Variants in PRDM10 observed in about 807,000 individuals in gnomAD.
PRDM10 encodes the protein PR/SET domain 10, also known as PR domain zinc finger protein 10.
PRDM10 carries 65 observed loss-of-function variants against 133.1 expected under a neutral mutation model. The observed-to-expected ratio is 0.49, with a 90% CI of 0.40 to 0.60. The LOEUF is 0.60. Among genes scored for constraint, PRDM10 ranks in the 20% least tolerant of loss-of-function variants. PRDM10 has a pLI of 0.00. For missense variants in PRDM10, 1,137 were observed against 1,507.1 expected, an observed-to-expected ratio of 0.75 and a Z score of 4.07; for synonymous variants, 582 against 580.4, an observed-to-expected ratio of 1.00 and a Z score of -0.04.
chr11:129,928,174 T>C (rs78726631), intron 11 of PRDM10, among the ~76,000 whole-genome samples: 7,512 of 149,894 alleles, frequency 0.05, 541 homozygotes, highest in African/African-American at 0.16. Flanking sequence ...GGCATGATCA[T>C]AGCTAACTGC....
In PRDM10 at chr11:129,956,918, T is replaced by C. The variant is rs143880657; in HGVS notation, c.234+828A>G. Among the ~76,000 whole-genome samples, 33 of 152,368 alleles carry C rather than the reference T, an allele frequency of 2.2e-4. No homozygotes were observed. The East Asian group carries it at 5.8e-3, about 27-fold the overall frequency. On this transcript the variant is annotated intron_variant, in intron 3 of 20. Transcript: ENST00000360871. ...TTTATACATTGTAAAGTGCTAACAA[T>C]GTAAATTAACATTTATATGTTGGGG...
In PRDM10 at chr11:129,914,906, G is replaced by C. The variant is rs1255245764; in HGVS notation, c.2639C>G (p.Thr880Ser). ...AGTCTCTCCAGTGGCGCTGTCTGTA[G>C]TCAAAACCGCTGGGGTGGCACTGAT... ...AVISATPAVL[T>S]TDSATGETVV... The change falls in exon 17 of 21, where the codon ACT becomes AGT. Residue 880 changes from threonine (T) to serine (S), a missense_variant. Thr to Ser is a moderately conservative substitution (Grantham distance 58). Transcript: ENST00000360871. 6.2e-7 allele frequency: 1 copy of C among 1,614,056 alleles called. No homozygotes were observed. Among genetic ancestry groups the C allele is most frequent in the Admixed American group, 1.7e-5 (1 of 59,998 alleles).
At chr11:129,995,843 G>T (rs564489279) in intron 1 of PRDM10, among the ~76,000 whole-genome samples, 1 of 152,212 alleles carries the variant, frequency 6.6e-6, no homozygotes, top group East Asian at 1.9e-4. Context: ...CTACTTGGGG[G>T]GCTGAGGCAG....
At chr11:129,931,351 C>T in intron 10 of PRDM10, 93 bp from the exon 11 acceptor site, 1 of 1,442,844 alleles carries the variant, frequency 6.9e-7, no homozygotes. Context: ...TGACTAGATT[C>T]ATAATACTCA....
intron 1 of PRDM10, among the ~76,000 whole-genome samples, chr11:129,988,784 C>T (rs947453506): frequency 1.3e-5 from 2 of 151,844 alleles, no homozygotes; most frequent in South Asian, 2.1e-4. Flanking sequence ...CGTCCGCCAC[C>T]ACACCCAGCT....
At chr11:129,975,505 G>A (rs532764115) in intron 1 of PRDM10, among the ~76,000 whole-genome samples, 3 of 152,170 alleles carry the variant, frequency 2.0e-5, no homozygotes, top group Admixed American at 6.5e-5. Context: ...TATAAAAAAC[G>A]TAAATAAAAA....
intron 1 of PRDM10, among the ~76,000 whole-genome samples, chr11:129,972,170 C>T (rs1195990962): frequency 6.6e-6 from 1 of 152,228 alleles, no homozygotes; most frequent in Non-Finnish European, 1.5e-5. Flanking sequence ...CCGCAAGCGC[C>T]GCGCGCAGCC....
Position 129,902,214 on chromosome 11 carries a change from T to C in PRDM10, c.*99A>G, listed in dbSNP as rs1949860792. Reference sequence around the variant, plus strand: ...AAACTGTGGTTTCCGAACTCTTGAGTGAATAATAAATCTTACAAAAGAGCT... The same window carrying C: ...AAACTGTGGTTTCCGAACTCTTGAGCGAATAATAAATCTTACAAAAGAGCT... On this transcript the variant is annotated 3_prime_UTR_variant, in exon 21 of 21. Transcript: ENST00000360871. 1 of 1,448,448 alleles carries C rather than the reference T, an allele frequency of 6.9e-7. No individual in the cohort carries two copies. The highest frequency in any genetic ancestry group is 9.3e-7 in the Non-Finnish European group (1 of 1,071,542). 89.7% of individuals were successfully genotyped at this position (1,448,448 alleles called of 1,614,324 possible).
intron 1 of PRDM10, among the ~76,000 whole-genome samples, chr11:129,999,191 C>T (rs1939214139): frequency 6.6e-6 from 1 of 152,148 alleles, no homozygotes; most frequent in Non-Finnish European, 1.5e-5. Context: ...AACTAAACCA[C>T]GTGAACAGTT....
intron 1 of PRDM10, among the ~76,000 whole-genome samples, chr11:129,997,503 AAGAC>A (rs1259878780): frequency 2.6e-5 from 4 of 152,204 alleles, no homozygotes; most frequent in Admixed American, 1.3e-4. Flanking sequence ...GGAAAAAAAA[AAGAC>A]AGTTCTTTCA....
intron 1 of PRDM10, among the ~76,000 whole-genome samples, chr11:129,975,543 A>T (rs957921960): frequency 4.6e-5 from 7 of 152,198 alleles, no homozygotes; most frequent in Non-Finnish European, 7.4e-5. Flanking sequence ...GGTAGTAATG[A>T]CCATCCCACT....
chr11:129,938,761 G>T (rs902076420), intron 7 of PRDM10, among the ~76,000 whole-genome samples: 1 of 152,180 alleles, frequency 6.6e-6, no homozygotes, highest in Admixed American at 6.5e-5. Flanking sequence ...TTGTCATGCA[G>T]GCAACGGCTT....
intron 1 of PRDM10, among the ~76,000 whole-genome samples, chr11:129,976,435 T>C (rs12288829): frequency 0.19 from 28,844 of 152,116 alleles, 4,351 homozygotes; most frequent in East Asian, 0.47. Flanking sequence ...GTGCTTACCG[T>C]GTGCTAGGCC....
chr11:129,996,090 G>A (rs563178125), intron 1 of PRDM10, among the ~76,000 whole-genome samples: 2 of 152,176 alleles, frequency 1.3e-5, no homozygotes, highest in East Asian at 1.9e-4. Flanking sequence ...TGCATTCTAC[G>A]TGAGGGGGCT....
At chr11:129,974,042 C>T (rs1181326840) in intron 1 of PRDM10, among the ~76,000 whole-genome samples, 1 of 152,238 alleles carries the variant, frequency 6.6e-6, no homozygotes, top group Non-Finnish European at 1.5e-5. Context: ...CTTCCAGCCC[C>T]GCCTCCAGCT....
chr11:129,988,998 C>T (rs1938586292), intron 1 of PRDM10, among the ~76,000 whole-genome samples: 1 of 152,152 alleles, frequency 6.6e-6, no homozygotes, highest in African/African-American at 2.4e-5. Flanking sequence ...GGACCAGTAA[C>T]TATGAGAGAG....
rs1420128554 is a variant in PRDM10 at position 129,944,485 on chromosome 11, T to G, written c.762+286A>C. Among the ~76,000 whole-genome samples, 7 of 150,222 alleles carry G rather than the reference T, an allele frequency of 4.7e-5. No homozygotes were observed. In the East Asian group the frequency reaches 1.4e-3, roughly 29 times the overall value. On this transcript the variant is annotated intron_variant, in intron 6 of 20. Coordinates refer to ENST00000360871, the MANE Select transcript of PRDM10 (RefSeq NM_199437.2). ...CTGTAGTCCCAGCTACTCGGGAGGC[T>G]GAGGCAGGAGAATGGCGTGAACCCG... is the stretch of plus-strand genomic sequence containing the variant.
intron 15 of PRDM10, among the ~76,000 whole-genome samples, chr11:129,916,340 A>G (rs146877921): frequency 1.3e-5 from 2 of 152,348 alleles, no homozygotes; most frequent in East Asian, 3.9e-4. Flanking sequence ...TTAAGCTGAT[A>G]TAGCTACATT....
intron 20 of PRDM10, among the ~76,000 whole-genome samples, chr11:129,902,860 C>T (rs979406590): frequency 1.3e-5 from 2 of 152,056 alleles, no homozygotes; most frequent in South Asian, 2.1e-4. Context: ...ACTGTCCATT[C>T]GATCTTAAGA....
Sources: gnomAD v4.1 joint callset for allele counts (sites outside exome capture counted in the v4.1 genomes callset) on GRCh38, gnomAD v4.1.1 for gene constraint, MANE v1.5 for transcripts, NCBI Gene and HGNC (gene_info 2026-07-23, HGNC 2026-07-21) for gene names.